Variants in RFX6 observed in about 807,000 individuals in gnomAD.
RFX6 encodes DNA-binding protein RFX6.
Under a neutral mutation model 110.8 loss-of-function variants are expected in RFX6, and 50 were observed. The ratio of observed to expected loss-of-function variants is 0.45; its 90% CI spans 0.36 to 0.57. The LOEUF is 0.57. Ranked by LOEUF, RFX6 falls within the 20% of genes least tolerant of loss-of-function variation. The pLI, the probability that RFX6 is intolerant of heterozygous loss-of-function variation, is 0.00. For missense variants in RFX6, 990 were observed against 1,127.0 expected, an observed-to-expected ratio of 0.88 and a Z score of 1.74; for synonymous variants, 383 against 411.2, an observed-to-expected ratio of 0.93 and a Z score of 0.83.
rs767867074 is a variant in RFX6, at chr6:116,924,843, G to A, written c.1678+52G>A. On this transcript the variant is annotated intron_variant, in intron 15 of 18. Transcript: ENST00000332958. ...GCATATTTCTTTGTTTTAATCTTAA[G>A]TTCAAGAATTTATAAGTTCAGATAT... The A allele has an allele frequency of 1.4e-5, 19 of 1,340,278 alleles. 1 individual carries two copies. Among genetic ancestry groups the A allele is most frequent in the Admixed American group, 1.0e-4 (6 of 58,742 alleles). The allele number at this position is 1,340,278 out of a possible 1,614,324, so 83.0% of individuals were successfully genotyped here.
chr6:116,880,469 G>A (rs1255465756), intron 2 of RFX6, 75 bp from the exon 3 acceptor site: 30 of 1,367,520 alleles, frequency 2.2e-5, no homozygotes, highest in Non-Finnish European at 3.0e-5. Flanking sequence ...TATTCAAAAT[G>A]GGTAATAAGT....
chr6:116,895,544 A>C (rs929527412), intron 6 of RFX6, among the ~76,000 whole-genome samples: 2 of 152,104 alleles, frequency 1.3e-5, no homozygotes, highest in African/African-American at 2.4e-5. Context: ...AGGATATGGA[A>C]AGAATTGGTC....
intron 6 of RFX6, among the ~76,000 whole-genome samples, chr6:116,903,240 A>G (rs1203354924): frequency 6.6e-6 from 1 of 152,080 alleles, no homozygotes; most frequent in Non-Finnish European, 1.5e-5. Flanking sequence ...ATCCAAAACA[A>G]AATTAATTTT....
intron 6 of RFX6, among the ~76,000 whole-genome samples, chr6:116,896,560 T>C (rs902584268): frequency 2.2e-4 from 33 of 148,042 alleles, no homozygotes; most frequent in Non-Finnish European, 1.6e-4. Context: ...AAAAAATTAT[T>C]TGGGCATGGT....
chr6:116,914,750 T>TCAC (rs545544113), intron 7 of RFX6, among the ~76,000 whole-genome samples: 122 of 152,272 alleles, frequency 8.0e-4, no homozygotes, highest in Admixed American at 7.8e-3. Context: ...GACACCTCCA[T>TCAC]CACCACCACC....
chr6:116,891,493 G>A (rs1405014551), intron 4 of RFX6, among the ~76,000 whole-genome samples: 1 of 152,162 alleles, frequency 6.6e-6, no homozygotes. Context: ...AAACTATAAA[G>A]CTTATAGAAC....
intron 6 of RFX6, among the ~76,000 whole-genome samples, chr6:116,895,439 C>A (rs2114674043): frequency 6.6e-6 from 1 of 152,158 alleles, no homozygotes; most frequent in Middle Eastern, 3.4e-3. Flanking sequence ...TTTTAGTTAT[C>A]TTTACCTAAT....
chr6:116,899,188 G>C (rs961928283), intron 6 of RFX6, among the ~76,000 whole-genome samples: 1 of 151,954 alleles, frequency 6.6e-6, no homozygotes, highest in Non-Finnish European at 1.5e-5. Context: ...AAAAATACAG[G>C]CATAAAAGAA....
chr6:116,903,105 T>C (rs1200901092), intron 6 of RFX6, among the ~76,000 whole-genome samples: 1 of 152,034 alleles, frequency 6.6e-6, no homozygotes, highest in South Asian at 2.1e-4. Flanking sequence ...AGCAAATATA[T>C]TAGTGGAATT....
At chr6:116,887,166 G>T (rs574538060) in intron 4 of RFX6, among the ~76,000 whole-genome samples, 70 of 152,164 alleles carry the variant, frequency 4.6e-4, no homozygotes, top group African/African-American at 1.5e-3. Context: ...TCAAAATTAG[G>T]AACAATTAAA....
chr6:116,920,692 C>A (rs935122978), intron 12 of RFX6, among the ~76,000 whole-genome samples: 6 of 151,524 alleles, frequency 4.0e-5, no homozygotes, highest in Non-Finnish European at 7.4e-5. Flanking sequence ...TGAAAAAAAA[C>A]CTGGTTTATA....
intron 8 of RFX6, 49 bp from the exon 9 acceptor site, chr6:116,916,152 G>A: frequency 6.4e-7 from 1 of 1,554,106 alleles, no homozygotes; most frequent in South Asian, 1.1e-5. Flanking sequence ...TTCTTAATGA[G>A]TTCATGTTAA....
rs991876303 is a variant in RFX6, at chr6:116,925,397, T to C, written c.1679-56T>C. 7 of 1,321,764 alleles carry C rather than the reference T, an allele frequency of 5.3e-6. No homozygotes were observed. The African/African-American group carries it at 8.7e-5, about 16-fold the overall frequency. 81.9% of individuals were successfully genotyped at this position (1,321,764 alleles called of 1,614,324 possible). ...TTCATTTTCTTTTTACTTGGGTTTA[T>C]CTACGAGGAATGTGAGAAAAAATCT... On this transcript the variant is annotated intron_variant, in intron 15 of 18. Transcript: ENST00000332958.
intron 18 of RFX6, among the ~76,000 whole-genome samples, chr6:116,929,824 C>G (rs1775842747): frequency 6.6e-6 from 1 of 152,170 alleles, no homozygotes. Flanking sequence ...TGACACGCAA[C>G]CAGAGCATAA....
chr6:116,928,642 T>C (rs754760149), intron 17 of RFX6, 117 bp from the exon 18 acceptor site: 30 of 744,128 alleles, frequency 4.0e-5, no homozygotes, highest in Non-Finnish European at 7.3e-5. Context: ...TAGATACACA[T>C]GTAATACTTA....
At chr6:116,894,175 G>T in intron 5 of RFX6, 111 bp downstream of exon 5, 1 of 747,654 alleles carries the variant, frequency 1.3e-6, no homozygotes. Flanking sequence ...TTCCATTTAA[G>T]CATCAGACCT....
intron 6 of RFX6, among the ~76,000 whole-genome samples, chr6:116,905,500 T>C (rs1395746095): frequency 3.9e-5 from 6 of 152,140 alleles, no homozygotes; most frequent in Non-Finnish European, 8.8e-5. Context: ...GCCTTTCTAC[T>C]GTGATCATAG....
chr6:116,895,479 C>T (rs1168907043), intron 6 of RFX6, among the ~76,000 whole-genome samples: 1 of 151,974 alleles, frequency 6.6e-6, no homozygotes, highest in Non-Finnish European at 1.5e-5. Flanking sequence ...GTAAAAAAAA[C>T]ACTATCATTT....
chr6:116,908,094 G>A (rs1026961763), intron 6 of RFX6, among the ~76,000 whole-genome samples: 5 of 152,090 alleles, frequency 3.3e-5, no homozygotes, highest in African/African-American at 9.6e-5. Flanking sequence ...CAATTGGAGA[G>A]ATTGATTCAT....
Sources: allele counts gnomAD v4.1 joint callset (sites outside exome capture counted in the v4.1 genomes callset), GRCh38; gene constraint gnomAD v4.1.1; transcripts MANE v1.5; gene names NCBI Gene and HGNC (gene_info 2026-07-23, HGNC 2026-07-21).